The following PCTP variants were observed in gnomAD, a reference collection of about 807,000 sequenced individuals.
PCTP encodes the protein START domain-containing protein 2.
Under a neutral mutation model 31.0 loss-of-function variants are expected in PCTP, and 27 were observed. That is an observed-to-expected ratio of 0.87 (90% CI 0.64 to 1.20). PCTP has a LOEUF of 1.20. PCTP is among the 50% of genes most tolerant of loss of function. PCTP has a pLI of 0.00. For missense variants in PCTP, 287 were observed against 268.2 expected, an observed-to-expected ratio of 1.07 and a Z score of -0.49; for synonymous variants, 108 against 101.2, an observed-to-expected ratio of 1.07 and a Z score of -0.40.
exon 4 of PCTP, chr17:55,822,948 G>GT (rs1296332345): frequency 1.7e-5 from 10 of 591,694 alleles, no homozygotes; most frequent in Non-Finnish European, 1.5e-5. Context: ...TTATCTCATT[G>GT]TTTTTTCTCA....
downstream of PCTP, among the ~76,000 whole-genome samples, chr17:55,778,345 C>T (rs1422482277): frequency 1.3e-5 from 2 of 152,094 alleles, no homozygotes; most frequent in East Asian, 3.9e-4. Flanking sequence ...TGTCATTCCT[C>T]TAGCACTTTG....
At chr17:55,834,221 G>T (rs1905703214) in intron 5 of PCTP, among the ~76,000 whole-genome samples, 1 of 151,994 alleles carries the variant, frequency 6.6e-6, no homozygotes, top group Non-Finnish European at 1.5e-5. Flanking sequence ...AAGTTCTGAG[G>T]TACATGTGCA....
chr17:55,849,705 T>C, the PCTP span, among the ~76,000 whole-genome samples: 1 of 152,106 alleles, frequency 6.6e-6, no homozygotes, highest in African/African-American at 2.4e-5. Context: ...AAGGAAAGAT[T>C]CAATTCATTT....
intron 5 of PCTP, 192 bp from the exon 6 acceptor site, chr17:55,775,843 G>C: frequency 7.6e-7 from 1 of 1,312,864 alleles, no homozygotes; most frequent in Non-Finnish European, 9.7e-7. Context: ...AGTTCCTGTT[G>C]ACTGGTCTTA....
intron 1 of PCTP, among the ~76,000 whole-genome samples, chr17:55,756,319 A>G (rs986082240): frequency 2.6e-5 from 4 of 152,238 alleles, no homozygotes; most frequent in African/African-American, 7.2e-5. Context: ...AGAAAATGTT[A>G]TAAAGAAAAT....
Position 55,777,035 on chromosome 17 carries a change from A to G in PCTP, c.*935A>G. Reference sequence around the variant, plus strand: ...GTAGAAGGGATAACAGTTCACAGCCAGGTAAAATTTAACTGGTGGCTTAAT... The same window carrying G: ...GTAGAAGGGATAACAGTTCACAGCCGGGTAAAATTTAACTGGTGGCTTAAT... On this transcript the variant is annotated 3_prime_UTR_variant, in exon 6 of 6. Transcript: ENST00000268896. 1 of 985,842 alleles carries G rather than the reference A, an allele frequency of 1.0e-6. No homozygotes were observed. Among genetic ancestry groups the G allele is most frequent in the African/African-American group, 1.7e-5 (1 of 57,378 alleles). The allele number at this position is 985,842 out of a possible 1,614,324, so 61.1% of individuals were successfully genotyped here. A position where few individuals can be genotyped will look rare whatever the true frequency, so the allele number is the denominator to read the frequency against.
chr17:55,790,230 T>C (rs1190187837), intron 3 of PCTP, among the ~76,000 whole-genome samples: 1 of 152,084 alleles, frequency 6.6e-6, no homozygotes, highest in African/African-American at 2.4e-5. Flanking sequence ...AGCATTCCCT[T>C]TGAAAACTGG....
intron 2 of PCTP, among the ~76,000 whole-genome samples, chr17:55,785,862 T>A (rs1911728988): frequency 1.3e-5 from 2 of 152,246 alleles, no homozygotes; most frequent in Admixed American, 1.3e-4. Context: ...AGGTTATTTG[T>A]TCTTGGTTCT....
downstream of PCTP, among the ~76,000 whole-genome samples, chr17:55,847,524 A>T (rs1567738403): frequency 6.6e-6 from 1 of 152,156 alleles, no homozygotes; most frequent in Admixed American, 6.5e-5. Flanking sequence ...CATGTAAGAC[A>T]TGCTTTGCTT....
At chr17:55,798,653 G>C (rs993626887) in intron 3 of PCTP, among the ~76,000 whole-genome samples, 2 of 151,718 alleles carry the variant, frequency 1.3e-5, no homozygotes, top group Non-Finnish European at 2.9e-5. Context: ...CAAAAATATT[G>C]GCATAATAAA....
intron 2 of PCTP, among the ~76,000 whole-genome samples, chr17:55,786,753 G>A (rs931163104): frequency 1.6e-4 from 24 of 152,162 alleles, no homozygotes; most frequent in African/African-American, 5.8e-4. Context: ...ATCTTGTGCA[G>A]TTAAGATTGC....
chr17:55,775,824 TGCAACAGAAG>T, intron 5 of PCTP: 1 of 1,294,462 alleles, frequency 7.7e-7, no homozygotes, highest in Non-Finnish European at 9.8e-7. Context: ...AAGGCCTTTT[TGCAACAGAAG>T]TTCCTGTTGA....
chr17:55,835,222 T>C (rs76192041), intron 5 of PCTP, among the ~76,000 whole-genome samples: 2,342 of 152,236 alleles, frequency 0.015, 62 homozygotes, highest in African/African-American at 0.053. Flanking sequence ...CCTCCAGAAG[T>C]GTGAGACAAT....
downstream of PCTP, among the ~76,000 whole-genome samples, chr17:55,845,082 CATCAAAAAA>C: frequency 2.1e-5 from 1 of 47,138 alleles, no homozygotes; most frequent in Non-Finnish European, 4.0e-5. Flanking sequence ...GCCAAAACTC[CATCAAAAAA>C]AAAAAAAAAA....
At chr17:55,831,588 G>A (rs1281086139) in intron 5 of PCTP, among the ~76,000 whole-genome samples, 2 of 152,204 alleles carry the variant, frequency 1.3e-5, no homozygotes, top group African/African-American at 4.8e-5. Context: ...AAAGGGTTTT[G>A]TGTCCTTAAA....
chr17:55,845,908 G>GTC (rs1906138675), downstream of PCTP, among the ~76,000 whole-genome samples: 1 of 151,662 alleles, frequency 6.6e-6, no homozygotes, highest in Non-Finnish European at 1.5e-5. Context: ...GTGTGTGTGT[G>GTC]TGTGTGTGTG....
chr17:55,772,130 A>T (rs181874121), intron 3 of PCTP, among the ~76,000 whole-genome samples: 14 of 152,342 alleles, frequency 9.2e-5, no homozygotes, highest in African/African-American at 3.4e-4. Context: ...GAGTGGAACA[A>T]TATTTGCTAA....
intron 3 of PCTP, among the ~76,000 whole-genome samples, chr17:55,788,740 T>C (rs1911844268): frequency 6.6e-6 from 1 of 152,152 alleles, no homozygotes; most frequent in Non-Finnish European, 1.5e-5. Context: ...TCTGTCAACT[T>C]TTCTGTATAT....
chr17:55,767,085 C>G (rs1910704676), intron 1 of PCTP, among the ~76,000 whole-genome samples: 1 of 152,180 alleles, frequency 6.6e-6, no homozygotes, highest in Admixed American at 6.5e-5. Flanking sequence ...TGTTCTTGTC[C>G]TTCACCCACT....
Sources: allele counts gnomAD v4.1 joint callset (sites outside exome capture counted in the v4.1 genomes callset), GRCh38; gene constraint gnomAD v4.1.1; transcripts MANE v1.5; gene names NCBI Gene and HGNC (gene_info 2026-07-23, HGNC 2026-07-21).